The following KIRREL3 variants were observed in gnomAD, a reference collection of about 807,000 sequenced individuals.
The protein encoded by KIRREL3 is kin of IRRE-like protein 3.
KIRREL3 carries 36 observed loss-of-function variants against 89.7 expected under a neutral mutation model. The observed-to-expected ratio is 0.40, with a 90% confidence interval of 0.31 to 0.53. The LOEUF (loss-of-function observed/expected upper bound fraction) is 0.53. Among genes scored for constraint, KIRREL3 ranks in the 20% least tolerant of loss-of-function variants. The pLI is 0.49. For missense variants in KIRREL3, 864 were observed against 1,056.6 expected, an observed-to-expected ratio of 0.82 and a Z score of 2.53; for synonymous variants, 445 against 441.4, an observed-to-expected ratio of 1.01 and a Z score of -0.10.
rs2134690767 is a variant in KIRREL3 at position 126,876,433 on chromosome 11, A to C, written c.55+124022T>G. ...CCTACAGCACACCCAGGGAGAAAGA[A>C]GCCACATAGCTGGCAAGTGGGGACA... On this transcript the variant is annotated intron_variant, in intron 1 of 16. Transcript: ENST00000525144. This position sits in a 1 kb window ranked among gnomAD's most constrained non-coding sequence, Gnocchi z 4.1. Among the ~76,000 whole-genome samples the C allele has an allele frequency of 6.6e-6, 1 of 152,332 alleles. No individual in the cohort carries two copies. The highest frequency in any genetic ancestry group is 3.4e-3 in the Middle Eastern group (1 of 294).
chr11:126,751,372 C>T (rs1235806180), intron 1 of KIRREL3, among the ~76,000 whole-genome samples: 2 of 152,232 alleles, frequency 1.3e-5, no homozygotes, highest in South Asian at 2.1e-4. Flanking sequence ...CTGTTCCATT[C>T]TTGCTGGCTA....
At position 126,463,245 on chromosome 11, in the gene KIRREL3, G is replaced by A. The variant is rs761482885; in HGVS notation, c.654C>T (p.Asp218=). 17 of 1,613,924 alleles carry A rather than the reference G, an allele frequency of 1.1e-5. No homozygotes were observed. Among genetic ancestry groups the A allele is most frequent in the South Asian group, 4.4e-5 (4 of 91,076 alleles). Residue 218 remains aspartate, a synonymous_variant, in exon 6 of 17, where the codon GAC becomes GAT. Transcript: ENST00000525144. This position sits in a 1 kb window ranked among gnomAD's most constrained non-coding sequence, Gnocchi z 5.9. ...ACACGATGCTCTGGCCATTCTCCAC[G>A]TCACCAGGGGAGATGAAGAGGGTGC... ...IVSTLFISPG[D]VENGQSIVCR... is the part of the protein sequence containing the mutation.
In KIRREL3 at chr11:126,708,677, C is replaced by A. The variant is rs922278495; in HGVS notation, c.56-145765G>T. On this transcript the variant is annotated intron_variant, in intron 1 of 16. Transcript: ENST00000525144. This position sits in a 1 kb window ranked among gnomAD's most constrained non-coding sequence, Gnocchi z 5.7. ...GGCACTCCCACCTGGGCACTCCTTG[C>A]TGATGGACCGGGACCTCCTCTCCCA... is the stretch of plus-strand genomic sequence containing the variant. Among the ~76,000 whole-genome samples the A allele has an allele frequency of 5.3e-5, 8 of 152,200 alleles. No individual in the cohort carries two copies. The highest frequency in any genetic ancestry group is 1.7e-4 in the African/African-American group (7 of 41,452).
intron 1 of KIRREL3, among the ~76,000 whole-genome samples, chr11:126,930,730 C>A (rs1037511453): frequency 6.6e-6 from 1 of 152,152 alleles, no homozygotes; most frequent in African/African-American, 2.4e-5. Context: ...CTCCCCCAAC[C>A]CCCTCCATAT....
rs563711588 is a variant in KIRREL3 at position 126,501,433 on chromosome 11, G to C, written c.433+19882C>G. On this transcript the variant is annotated intron_variant, in intron 4 of 16. Coordinates refer to ENST00000525144, the MANE Select transcript of KIRREL3 (RefSeq NM_032531.4). The surrounding 1 kb of genome is among the most constrained non-coding windows in gnomAD (Gnocchi z 5.8). ...GGAGGCTCCTCTGGGGAGCGAGGGT[G>C]CCCAGGTGGGGAAGGCAGAGCGCAG... 6.6e-6 allele frequency among the ~76,000 whole-genome samples: 1 copy of C among 152,206 alleles called. No individual in the cohort carries two copies. Among genetic ancestry groups the C allele is most frequent in the Non-Finnish European group, 1.5e-5 (1 of 68,044 alleles).
rs922103748 is a variant in KIRREL3, at chr11:126,740,899, C to A, written c.56-177987G>T. Among the ~76,000 whole-genome samples, 1 of 152,082 alleles carries A rather than the reference C, an allele frequency of 6.6e-6. No homozygotes were observed. The highest frequency in any genetic ancestry group is 2.4e-5 in the African/African-American group (1 of 41,406). ...AAGATATCCATTGTTCCATGAGAGT[C>A]CCCCATGGTAGAGTGAGTGACAAGG... On this transcript the variant is annotated intron_variant, in intron 1 of 16. Transcript: ENST00000525144. This position sits in a 1 kb window ranked among gnomAD's most constrained non-coding sequence, Gnocchi z 6.0.
chr11:126,711,783 G>C (rs933671533), intron 1 of KIRREL3, among the ~76,000 whole-genome samples: 11 of 152,246 alleles, frequency 7.2e-5, no homozygotes, highest in African/African-American at 1.4e-4. Flanking sequence ...CACTGTGCGA[G>C]GATGCTGTGC....
At chr11:126,700,233 G>A (rs1488845589) in intron 1 of KIRREL3, among the ~76,000 whole-genome samples, 1 of 150,624 alleles carries the variant, frequency 6.6e-6, no homozygotes, top group East Asian at 1.9e-4. Context: ...TCAGAGAACC[G>A]AAGTGACTTG....
chr11:126,834,696 G>A (rs1943721418), intron 1 of KIRREL3, among the ~76,000 whole-genome samples: 1 of 152,216 alleles, frequency 6.6e-6, no homozygotes, highest in Non-Finnish European at 1.5e-5. Context: ...CAACATCCTT[G>A]AAGGCCTTCC....
In KIRREL3 at chr11:126,622,553, G is replaced by C. The variant is rs1241044791; in HGVS notation, c.56-59641C>G. 6.6e-6 allele frequency among the ~76,000 whole-genome samples: 1 copy of C among 152,164 alleles called. No individual in the cohort carries two copies. The highest frequency in any genetic ancestry group is 1.5e-5 in the Non-Finnish European group (1 of 68,036). On this transcript the variant is annotated intron_variant, in intron 1 of 16. Transcript: ENST00000525144. The surrounding 1 kb of genome is among the most constrained non-coding windows in gnomAD (Gnocchi z 5.2). ...TCATTACAAAAGTTAGCCAGGTATG[G>C]TGGCATGTGCCTGTAATCCCAGCTA...
In KIRREL3 at chr11:126,587,842, T is replaced by C. The variant is rs1941941662; in HGVS notation, c.56-24930A>G. Among the ~76,000 whole-genome samples, 1 of 152,226 alleles carries C rather than the reference T, an allele frequency of 6.6e-6. No homozygotes were observed. The highest frequency in any genetic ancestry group is 2.4e-5 in the African/African-American group (1 of 41,450). On this transcript the variant is annotated intron_variant, in intron 1 of 16. Transcript: ENST00000525144. This position sits in a 1 kb window ranked among gnomAD's most constrained non-coding sequence, Gnocchi z 5.2. ...AACACAATTCTTATTGCCATCTATC[T>C]TTTCACTTCTTTTTAGTTTTCATGA...
intron 1 of KIRREL3, among the ~76,000 whole-genome samples, chr11:126,732,791 C>A (rs1948672935): frequency 6.6e-6 from 1 of 152,164 alleles, no homozygotes; most frequent in African/African-American, 2.4e-5. Flanking sequence ...GGGATCTAAC[C>A]CCAGAGCACT....
At chr11:126,673,907 T>A (rs1946070829) in intron 1 of KIRREL3, among the ~76,000 whole-genome samples, 1 of 152,208 alleles carries the variant, frequency 6.6e-6, no homozygotes, top group African/African-American at 2.4e-5. Flanking sequence ...TGTACGGAGC[T>A]CAGTACAGGC....
At chr11:126,926,329 G>T (rs541562606) in intron 1 of KIRREL3, among the ~76,000 whole-genome samples, 1 of 152,334 alleles carries the variant, frequency 6.6e-6, no homozygotes, top group South Asian at 2.1e-4. Context: ...TTGTGAGAAC[G>T]AAAGTTAACA....
At chr11:126,595,054 T>C (rs1942331045) in intron 1 of KIRREL3, among the ~76,000 whole-genome samples, 1 of 152,210 alleles carries the variant, frequency 6.6e-6, no homozygotes, top group South Asian at 2.1e-4. Flanking sequence ...CCAGCTGCCG[T>C]GGCACTGTTT....
intron 1 of KIRREL3, among the ~76,000 whole-genome samples, chr11:126,828,407 T>C (rs12804601): frequency 0.24 from 35,758 of 152,110 alleles, 4,750 homozygotes; most frequent in Non-Finnish European, 0.31. Flanking sequence ...AGCCTTAGTC[T>C]CTCCTACAAA....
intron 1 of KIRREL3, among the ~76,000 whole-genome samples, chr11:126,863,423 ATG>A (rs1565362862): frequency 2.1e-3 from 43 of 20,608 alleles, no homozygotes; most frequent in African/African-American, 4.9e-3. Flanking sequence ...GTGTGAGCGC[ATG>A]TGTGTGAGTG....
intron 1 of KIRREL3, among the ~76,000 whole-genome samples, chr11:126,887,008 T>A (rs1592283736): frequency 6.6e-6 from 1 of 152,090 alleles, no homozygotes; most frequent in African/African-American, 2.4e-5. Flanking sequence ...AAACCTAAGG[T>A]GAACACGTGA....
intron 1 of KIRREL3, among the ~76,000 whole-genome samples, chr11:126,925,359 G>A (rs532223513): frequency 6.6e-6 from 1 of 152,304 alleles, no homozygotes; most frequent in South Asian, 2.1e-4. Context: ...GTGGTGGCGG[G>A]GGGAGCATGG....
Sources: allele counts gnomAD v4.1 joint callset (sites outside exome capture counted in the v4.1 genomes callset), GRCh38; gene constraint gnomAD v4.1.1; non-coding constraint Gnocchi (gnomAD v3.1); transcripts MANE v1.5; gene names NCBI Gene and HGNC (gene_info 2026-07-23, HGNC 2026-07-21).